The following NCEH1 variants were observed in gnomAD, a reference collection of about 807,000 sequenced individuals.
NCEH1 encodes the protein neutral cholesterol ester hydrolase 1.
A neutral mutation model predicts 25.4 loss-of-function variants in NCEH1; 9 were observed. The ratio of observed to expected loss-of-function variants is 0.35; its 90% CI spans 0.21 to 0.62. NCEH1 has a LOEUF of 0.62. Among genes scored for constraint, NCEH1 ranks in the 20% least tolerant of loss-of-function variants. The pLI is 0.72. For synonymous variants in NCEH1, 200 were observed against 199.8 expected (o/e 1.00, Z -0.01); for missense variants, 412 against 501.1 (o/e 0.82, Z 1.70).
At chr3:172,650,379 C>T (rs1331576775) in intron 1 of NCEH1, among the ~76,000 whole-genome samples, 1 of 151,958 alleles carries the variant, frequency 6.6e-6, no homozygotes, top group Non-Finnish European at 1.5e-5. Context: ...TGCGGTGGCT[C>T]ACGCCTGTAA....
In NCEH1 at chr3:172,654,994, T is replaced by C. The variant is rs569130014; in HGVS notation, c.139-6880A>G. Reference sequence around the variant, plus strand: ...AGAGATGGACCTTAAAGTAGAGGTATGGAACCAAGCCTAGGAGAGAAAAGA... The same window carrying C: ...AGAGATGGACCTTAAAGTAGAGGTACGGAACCAAGCCTAGGAGAGAAAAGA... On this transcript the variant is annotated intron_variant, in intron 1 of 4. Coordinates refer to ENST00000475381, the MANE Select transcript of NCEH1 (RefSeq NM_020792.6). Among the ~76,000 whole-genome samples the C allele has an allele frequency of 5.3e-5, 8 of 152,344 alleles. No individual in the cohort carries two copies. The South Asian group carries it at 1.7e-3, about 32-fold the overall frequency.
chr3:172,634,213 C>A, intron 4 of NCEH1, 121 bp from the exon 5 acceptor site: 7 of 885,464 alleles, frequency 7.9e-6, no homozygotes, highest in African/African-American at 1.7e-5. Flanking sequence ...TGTTACATTT[C>A]TACCAGGCAC....
intron 1 of NCEH1, among the ~76,000 whole-genome samples, chr3:172,694,294 T>C (rs746529004): frequency 3.6e-4 from 55 of 152,348 alleles, no homozygotes; most frequent in Non-Finnish European, 6.3e-4. Flanking sequence ...ACTAAGCCTG[T>C]GAAGAGTCCA....
chr3:172,668,997 G>A (rs1222572018), intron 1 of NCEH1, among the ~76,000 whole-genome samples: 2 of 151,712 alleles, frequency 1.3e-5, no homozygotes, highest in African/African-American at 4.9e-5. Flanking sequence ...ACCACACCCA[G>A]CTAATTTTTG....
chr3:172,674,520 T>G (rs1187644369), intron 1 of NCEH1, among the ~76,000 whole-genome samples: 4 of 152,136 alleles, frequency 2.6e-5, no homozygotes, highest in Non-Finnish European at 5.9e-5. Context: ...GATACTTTTT[T>G]TCATTTCTAT....
At chr3:172,665,612 G>A (rs927463853) in intron 1 of NCEH1, among the ~76,000 whole-genome samples, 15 of 152,186 alleles carry the variant, frequency 9.9e-5, no homozygotes, top group Non-Finnish European at 2.1e-4. Context: ...AGGCAGGCAG[G>A]CCTCGTTGAG....
At chr3:172,653,381 C>G (rs1281972979) in intron 1 of NCEH1, among the ~76,000 whole-genome samples, 1 of 152,184 alleles carries the variant, frequency 6.6e-6, no homozygotes, top group African/African-American at 2.4e-5. Flanking sequence ...GGGTTGGTCT[C>G]TGTTGACTAA....
intron 1 of NCEH1, among the ~76,000 whole-genome samples, chr3:172,697,672 G>T (rs1422421358): frequency 2.7e-5 from 4 of 150,866 alleles, no homozygotes. Flanking sequence ...CGTGGAGGGA[G>T]AGGAGGGAGA....
At chr3:172,699,255 G>A (rs1713553599) in intron 1 of NCEH1, among the ~76,000 whole-genome samples, 2 of 152,194 alleles carry the variant, frequency 1.3e-5, no homozygotes, top group Admixed American at 1.3e-4. Context: ...GGGGACAACA[G>A]GAGAAGCGTA....
intron 1 of NCEH1, among the ~76,000 whole-genome samples, chr3:172,672,527 C>T (rs1159767695): frequency 6.6e-6 from 1 of 151,862 alleles, no homozygotes; most frequent in Admixed American, 6.5e-5. Context: ...TTCCTTTTAT[C>T]CCCTGATTCA....
intron 1 of NCEH1, among the ~76,000 whole-genome samples, chr3:172,685,638 G>A (rs1043582634): frequency 6.6e-6 from 1 of 152,092 alleles, no homozygotes; most frequent in Non-Finnish European, 1.5e-5. Context: ...TTATCTCAAT[G>A]CTTCTGCAAC....
chr3:172,664,835 G>C (rs1286239622), intron 1 of NCEH1, among the ~76,000 whole-genome samples: 1 of 152,104 alleles, frequency 6.6e-6, no homozygotes, highest in East Asian at 1.9e-4. Context: ...CCTCTATGCT[G>C]TTTATTCTAG....
chr3:172,672,680 G>A (rs1711705650), intron 1 of NCEH1, among the ~76,000 whole-genome samples: 2 of 152,192 alleles, frequency 1.3e-5, no homozygotes, highest in Non-Finnish European at 1.5e-5. Context: ...TTTTATAATA[G>A]GGACCAGGAG....
intron 3 of NCEH1, chr3:172,636,330 A>G: frequency 3.4e-6 from 1 of 292,846 alleles, no homozygotes; most frequent in Non-Finnish European, 6.3e-6. Context: ...TTAAACTATC[A>G]GCCACCAAAC....
At chr3:172,666,372 G>A (rs1718209460) in intron 1 of NCEH1, among the ~76,000 whole-genome samples, 1 of 152,112 alleles carries the variant, frequency 6.6e-6, no homozygotes, top group African/African-American at 2.4e-5. Context: ...GACACACCTG[G>A]TCAAACCAAT....
At chr3:172,681,523 T>C (rs929494022) in intron 1 of NCEH1, among the ~76,000 whole-genome samples, 1 of 151,976 alleles carries the variant, frequency 6.6e-6, no homozygotes, top group Non-Finnish European at 1.5e-5. Flanking sequence ...GGATGTCAAG[T>C]AGATATGAAG....
At chr3:172,673,116 T>A (rs1390094640) in intron 1 of NCEH1, among the ~76,000 whole-genome samples, 1 of 152,176 alleles carries the variant, frequency 6.6e-6, no homozygotes, top group Non-Finnish European at 1.5e-5. Context: ...AAGCCAGGCC[T>A]CCTCTCTTCC....
chr3:172,694,414 GTA>G (rs1713248066), intron 1 of NCEH1, among the ~76,000 whole-genome samples: 3 of 151,884 alleles, frequency 2.0e-5, no homozygotes, highest in African/African-American at 4.8e-5. Flanking sequence ...GTGTGTGTGT[GTA>G]TGTGTGTATT....
chr3:172,670,631 A>G (rs917876600), intron 1 of NCEH1, among the ~76,000 whole-genome samples: 1 of 152,212 alleles, frequency 6.6e-6, no homozygotes, highest in African/African-American at 2.4e-5. Flanking sequence ...AGCTATTTTT[A>G]TAAAATCCTC....
Sources: gnomAD v4.1 joint callset for allele counts (sites outside exome capture counted in the v4.1 genomes callset) on GRCh38, gnomAD v4.1.1 for gene constraint, MANE v1.5 for transcripts, NCBI Gene and HGNC (gene_info 2026-07-23, HGNC 2026-07-21) for gene names.